Variants in HMGA2 observed in about 807,000 individuals in gnomAD.
HMGA2 encodes high mobility group protein HMGI-C.
In HMGA2, 8 loss-of-function variants were observed where a neutral mutation model predicts 19.1. That is an observed-to-expected ratio of 0.42 (90% CI 0.25 to 0.76). The LOEUF is 0.76. Among genes scored for constraint, HMGA2 ranks in the 30% least tolerant of loss-of-function variants. HMGA2 has a pLI of 0.28. For synonymous variants in HMGA2, 60 were observed against 48.8 expected, an observed-to-expected ratio of 1.23 and a Z score of -0.96; for missense variants, 109 against 136.3, an observed-to-expected ratio of 0.80 and a Z score of 1.00.
intron 4 of HMGA2, among the ~76,000 whole-genome samples, chr12:65,959,318 A>G (rs1876685480): frequency 6.6e-6 from 1 of 152,200 alleles, no homozygotes. Flanking sequence ...TTTTTTCCAA[A>G]CTTAGCTAAA....
intron 3 of HMGA2, among the ~76,000 whole-genome samples, chr12:65,898,814 G>A (rs781602719): frequency 6.6e-6 from 1 of 152,024 alleles, no homozygotes; most frequent in Non-Finnish European, 1.5e-5. Flanking sequence ...GGAGGCCGAG[G>A]CAGGCAGGTC....
intron 3 of HMGA2, among the ~76,000 whole-genome samples, chr12:65,840,188 G>C (rs1350039924): frequency 6.6e-6 from 1 of 152,112 alleles, no homozygotes; most frequent in Non-Finnish European, 1.5e-5. Context: ...TTGTACATAT[G>C]GTTCCAGTTA....
At chr12:65,874,852 C>T (rs1872898193) in intron 3 of HMGA2, among the ~76,000 whole-genome samples, 1 of 152,262 alleles carries the variant, frequency 6.6e-6, no homozygotes, top group African/African-American at 2.4e-5. Context: ...TTTGGTGCTC[C>T]ATCTCAGAAA....
At position 65,930,102 on chromosome 12, in the gene HMGA2, C is replaced by T. The variant is rs1005254094; in HGVS notation, c.250-21281C>T. ...AAGCCCCAGTATAGTTGAATGCTTACAAGAGGAGAAGCTTTTAGCAACTCC... is the reference window on the plus strand; with the variant it reads ...AAGCCCCAGTATAGTTGAATGCTTATAAGAGGAGAAGCTTTTAGCAACTCC... On this transcript the variant is annotated intron_variant, in intron 3 of 4. Transcript: ENST00000403681. 2.0e-5 allele frequency among the ~76,000 whole-genome samples: 3 copies of T among 152,188 alleles called. No homozygotes were observed. In the South Asian group the frequency reaches 6.2e-4, roughly 32 times the overall value.
At chr12:65,921,847 C>T (rs1038857622) in intron 3 of HMGA2, among the ~76,000 whole-genome samples, 1 of 152,198 alleles carries the variant, frequency 6.6e-6, no homozygotes, top group African/African-American at 2.4e-5. Flanking sequence ...GGACTTGGTG[C>T]CCTGTGTCCC....
chr12:65,870,426 T>C (rs76543997), intron 3 of HMGA2, among the ~76,000 whole-genome samples: 11,441 of 152,180 alleles, frequency 0.075, 1,248 homozygotes, highest in African/African-American at 0.24. Context: ...AAAGAATGAA[T>C]AGGATTCTAA....
At chr12:65,907,789 T>C (rs1359544523) in intron 3 of HMGA2, among the ~76,000 whole-genome samples, 2 of 152,130 alleles carry the variant, frequency 1.3e-5, no homozygotes, top group African/African-American at 4.8e-5. Context: ...TGGGAAGTGG[T>C]AGACATGGGA....
intron 3 of HMGA2, among the ~76,000 whole-genome samples, chr12:65,848,785 G>A (rs545005939): frequency 1.7e-4 from 26 of 152,266 alleles, no homozygotes; most frequent in East Asian, 3.9e-4. Flanking sequence ...GAACCCGGGA[G>A]GCGGAGCTTG....
intron 3 of HMGA2, among the ~76,000 whole-genome samples, chr12:65,886,649 G>A (rs1873670817): frequency 6.6e-6 from 1 of 151,432 alleles, no homozygotes; most frequent in Non-Finnish European, 1.5e-5. Context: ...GAGACACAAC[G>A]CCCGGCGGGG....
chr12:65,854,779 TC>T (rs1304698645), intron 3 of HMGA2, among the ~76,000 whole-genome samples: 2 of 152,184 alleles, frequency 1.3e-5, no homozygotes, highest in Non-Finnish European at 1.5e-5. Context: ...TTGTGGCACA[TC>T]CCATGATGAC....
Position 65,825,481 on chromosome 12 carries a change from C to G in HMGA2, c.111+100C>G. On this transcript the variant is annotated intron_variant, in intron 1 of 4. Coordinates refer to ENST00000403681, the MANE Select transcript of HMGA2 (RefSeq NM_003483.6). This position sits in a 1 kb window ranked among gnomAD's most constrained non-coding sequence, Gnocchi z 4.4. ...CCGGAGTGCGGGAGCCCAGTCGCCG[C>G]GGCCGTCGCACACTGCCCGCCGGCC... 1 of 770,132 alleles carries G rather than the reference C, an allele frequency of 1.3e-6. No homozygotes were observed. The highest frequency in any genetic ancestry group is 1.8e-6 in the Non-Finnish European group (1 of 555,472). 47.7% of individuals were successfully genotyped at this position (770,132 alleles called of 1,614,324 possible).
At chr12:65,933,363 C>T (rs1468242908) in intron 3 of HMGA2, among the ~76,000 whole-genome samples, 1 of 152,066 alleles carries the variant, frequency 6.6e-6, no homozygotes, top group Non-Finnish European at 1.5e-5. Context: ...TTACATATAC[C>T]TGACCAGACA....
At chr12:65,903,328 G>A (rs1874450986) in intron 3 of HMGA2, among the ~76,000 whole-genome samples, 2 of 152,192 alleles carry the variant, frequency 1.3e-5, no homozygotes, top group South Asian at 4.1e-4. Flanking sequence ...TATGGCCAAT[G>A]TATGCTAGAA....
At chr12:65,938,053 G>A (rs192600553) in intron 3 of HMGA2, among the ~76,000 whole-genome samples, 2 of 152,252 alleles carry the variant, frequency 1.3e-5, no homozygotes, top group East Asian at 3.9e-4. Flanking sequence ...GGTCTGGCCT[G>A]TTAAAAAGGG....
chr12:65,831,331 A>G (rs1486735094), intron 2 of HMGA2, among the ~76,000 whole-genome samples: 2 of 151,834 alleles, frequency 1.3e-5, no homozygotes, highest in Non-Finnish European at 1.5e-5. Context: ...GGTTGTCACT[A>G]ATTCTTCAGT....
intron 3 of HMGA2, among the ~76,000 whole-genome samples, chr12:65,947,831 C>T (rs561330944): frequency 5.9e-5 from 9 of 152,320 alleles, no homozygotes; most frequent in Admixed American, 1.3e-4. Flanking sequence ...GGTGAGGCAG[C>T]TGGACTTTGC....
At chr12:65,885,129 C>G (rs1046013437) in intron 3 of HMGA2, among the ~76,000 whole-genome samples, 1 of 152,060 alleles carries the variant, frequency 6.6e-6, no homozygotes, top group African/African-American at 2.4e-5. Context: ...TTTATTTATT[C>G]CTTAGAACTT....
intron 3 of HMGA2, chr12:65,856,880 T>C (rs1871772741): frequency 6.6e-6 from 1 of 152,242 alleles, no homozygotes; most frequent in Non-Finnish European, 1.5e-5. Flanking sequence ...CCAGCCATAT[T>C]TGATTAGGGC....
At chr12:65,829,844 A>G (rs748884081) in intron 2 of HMGA2, among the ~76,000 whole-genome samples, 31 of 151,952 alleles carry the variant, frequency 2.0e-4, no homozygotes, top group Non-Finnish European at 4.4e-4. Flanking sequence ...TTACCACCTA[A>G]AGCAAAATTT....
Sources: gnomAD v4.1 joint callset for allele counts (sites outside exome capture counted in the v4.1 genomes callset) on GRCh38, gnomAD v4.1.1 for gene constraint, Gnocchi (gnomAD v3.1) non-coding constraint, MANE v1.5 for transcripts, NCBI Gene and HGNC (gene_info 2026-07-23, HGNC 2026-07-21) for gene names.